ZCCHC7: variants seen among roughly 807,000 people sequenced by gnomAD.
The protein encoded by ZCCHC7 is zinc finger CCHC-type containing 7, also known as zinc finger CCHC domain-containing protein 7.
A neutral mutation model predicts 52.0 loss-of-function variants in ZCCHC7; 35 were observed. That is an observed-to-expected ratio of 0.67 (90% CI 0.51 to 0.89). The LOEUF (loss-of-function observed/expected upper bound fraction) is 0.89. Ranked by LOEUF, ZCCHC7 falls within the 40% of genes least tolerant of loss-of-function variation. ZCCHC7 has a pLI of 0.00. For missense variants in ZCCHC7, 574 were observed against 649.1 expected, an observed-to-expected ratio of 0.88 and a Z score of 1.26; for synonymous variants, 217 against 221.5, an observed-to-expected ratio of 0.98 and a Z score of 0.18.
chr9:37,193,705 T>A (rs1363143305), intron 2 of ZCCHC7, among the ~76,000 whole-genome samples: 2 of 152,166 alleles, frequency 1.3e-5, no homozygotes, highest in East Asian at 3.8e-4. Flanking sequence ...GAGCTACCAA[T>A]TAATGCAGTT....
chr9:37,326,754 G>T (rs187107212), intron 5 of ZCCHC7, among the ~76,000 whole-genome samples: 1 of 151,846 alleles, frequency 6.6e-6, no homozygotes, highest in East Asian at 1.9e-4. Flanking sequence ...AATGAAAGAG[G>T]AATGACAAAT....
rs574858742 is a variant in ZCCHC7 at position 37,309,580 on chromosome 9, T to C, written c.951+3866T>C. ...TTTCATCTTCCCACCTACTGGACTT[T>C]CTGCTCATTCACAGAGGATTTCTAA... On this transcript the variant is annotated intron_variant, in intron 5 of 8. Coordinates refer to ENST00000336755, the MANE Select transcript of ZCCHC7 (RefSeq NM_032226.3). 9.8e-5 allele frequency among the ~76,000 whole-genome samples: 15 copies of C among 152,328 alleles called. No homozygotes were observed. In the South Asian group the frequency reaches 2.9e-3, roughly 29 times the overall value.
chr9:37,144,130 C>G (rs1245313466), intron 2 of ZCCHC7, among the ~76,000 whole-genome samples: 1 of 151,818 alleles, frequency 6.6e-6, no homozygotes, highest in Non-Finnish European at 1.5e-5. Context: ...GATTGGCTTA[C>G]TTACATTTTC....
rs1821554785 is a variant in ZCCHC7, at chr9:37,354,165, A to T, written c.1084-545A>T. Among the ~76,000 whole-genome samples the T allele has an allele frequency of 6.6e-6, 1 of 152,124 alleles. No homozygotes were observed. The highest frequency in any genetic ancestry group is 2.4e-5 in the African/African-American group (1 of 41,410). On this transcript the variant is annotated intron_variant, in intron 7 of 8. Coordinates refer to ENST00000336755, the MANE Select transcript of ZCCHC7 (RefSeq NM_032226.3). The surrounding 1 kb of genome is among the most constrained non-coding windows in gnomAD (Gnocchi z 4.0). ...AACAATTTTAAACTAGGCATAACCTACCACCAACCTACCCCCCACCGTTAA... is the reference window on the plus strand; with the variant it reads ...AACAATTTTAAACTAGGCATAACCTTCCACCAACCTACCCCCCACCGTTAA...
intron 5 of ZCCHC7, among the ~76,000 whole-genome samples, chr9:37,312,643 C>A: frequency 6.6e-6 from 1 of 152,166 alleles, no homozygotes; most frequent in Non-Finnish European, 1.5e-5. Context: ...GAGGGCTGGG[C>A]GCAGTGGCTC....
At chr9:37,231,822 T>G (rs371475990) in intron 2 of ZCCHC7, among the ~76,000 whole-genome samples, 1 of 152,184 alleles carries the variant, frequency 6.6e-6, no homozygotes, top group Non-Finnish European at 1.5e-5. Flanking sequence ...TGTTCTTTGG[T>G]CAGCAAGTGA....
intron 2 of ZCCHC7, among the ~76,000 whole-genome samples, chr9:37,179,000 A>G (rs997879411): frequency 2.6e-5 from 4 of 151,984 alleles, no homozygotes; most frequent in Non-Finnish European, 4.4e-5. Context: ...TTGACTGTCT[A>G]TTCTTGATAT....
chr9:37,267,405 G>T (rs912134688), intron 2 of ZCCHC7, among the ~76,000 whole-genome samples: 1 of 151,846 alleles, frequency 6.6e-6, no homozygotes, highest in Non-Finnish European at 1.5e-5. Context: ...TGGTGGGGGG[G>T]AGACAGGGGA....
Position 37,302,232 on chromosome 9 carries a change from G to A in ZCCHC7, c.654+1G>A. Reference sequence around the variant, plus strand: ...GTCCATCAGTGACAAAGACATTGAGGTAAAATCAAATTGTTTTTAAAATTC... The same window carrying A: ...GTCCATCAGTGACAAAGACATTGAGATAAAATCAAATTGTTTTTAAAATTC... On this transcript the variant is annotated splice_donor_variant, in intron 3 of 8. Transcript: ENST00000336755. LOFTEE classifies it high-confidence loss of function. 1 of 1,601,712 alleles carries A rather than the reference G, an allele frequency of 6.2e-7. No individual in the cohort carries two copies. Among genetic ancestry groups the A allele is most frequent in the Non-Finnish European group, 8.5e-7 (1 of 1,171,458 alleles).
chr9:37,223,469 A>G (rs1286713487), intron 2 of ZCCHC7, among the ~76,000 whole-genome samples: 1 of 152,100 alleles, frequency 6.6e-6, no homozygotes, highest in Non-Finnish European at 1.5e-5. Flanking sequence ...AAATATATGA[A>G]AGGTTACTGG....
At chr9:37,353,490 G>T (rs537550415) in intron 7 of ZCCHC7, among the ~76,000 whole-genome samples, 44 of 152,272 alleles carry the variant, frequency 2.9e-4, no homozygotes, top group African/African-American at 1.1e-3. Context: ...CATGAGAATG[G>T]CCGACTTCAA....
At chr9:37,330,751 C>A (rs757676521) in intron 6 of ZCCHC7, among the ~76,000 whole-genome samples, 18 of 151,564 alleles carry the variant, frequency 1.2e-4, no homozygotes, top group Non-Finnish European at 1.9e-4. Context: ...TCAAATAACT[C>A]ATTCTAGATA....
intron 2 of ZCCHC7, among the ~76,000 whole-genome samples, chr9:37,260,159 G>A (rs898856561): frequency 6.6e-6 from 1 of 152,210 alleles, no homozygotes; most frequent in Non-Finnish European, 1.5e-5. Flanking sequence ...TTAGGCTGGA[G>A]AGTTAATATT....
intron 2 of ZCCHC7, among the ~76,000 whole-genome samples, chr9:37,292,308 T>C (rs1320863057): frequency 6.6e-6 from 1 of 152,198 alleles, no homozygotes; most frequent in East Asian, 1.9e-4. Context: ...AGCAGGAATA[T>C]AATGAAAAGG....
chr9:37,157,749 C>T (rs531443585), intron 2 of ZCCHC7, among the ~76,000 whole-genome samples: 47 of 152,320 alleles, frequency 3.1e-4, no homozygotes, highest in African/African-American at 1.1e-3. Context: ...TATCACCTCA[C>T]ACCTGTTGTT....
At chr9:37,210,035 T>A (rs1019903084) in intron 2 of ZCCHC7, among the ~76,000 whole-genome samples, 2 of 152,148 alleles carry the variant, frequency 1.3e-5, no homozygotes, top group African/African-American at 4.8e-5. Flanking sequence ...ATTTTTTTAT[T>A]TTTTGGCTTC....
At chr9:37,225,676 A>G (rs1336076569) in intron 2 of ZCCHC7, among the ~76,000 whole-genome samples, 1 of 152,244 alleles carries the variant, frequency 6.6e-6, no homozygotes, top group African/African-American at 2.4e-5. Flanking sequence ...ACAGACTAAC[A>G]GGAAAAAAAT....
At chr9:37,248,230 G>A (rs905176424) in intron 2 of ZCCHC7, among the ~76,000 whole-genome samples, 3 of 152,070 alleles carry the variant, frequency 2.0e-5, no homozygotes, top group Non-Finnish European at 4.4e-5. Context: ...GTCAGAACAG[G>A]TATTAACCTA....
chr9:37,200,936 C>G (rs947257737), intron 2 of ZCCHC7, among the ~76,000 whole-genome samples: 8 of 152,300 alleles, frequency 5.3e-5, no homozygotes, highest in Admixed American at 1.3e-4. Context: ...CTTTGTGTGA[C>G]TTAATCAGAT....
Sources: gnomAD v4.1 joint callset for allele counts (sites outside exome capture counted in the v4.1 genomes callset) on GRCh38, gnomAD v4.1.1 for gene constraint, Gnocchi (gnomAD v3.1) non-coding constraint, MANE v1.5 for transcripts, NCBI Gene and HGNC (gene_info 2026-07-23, HGNC 2026-07-21) for gene names.